The following XPA variants were observed in gnomAD, a reference collection of about 807,000 sequenced individuals.
The protein encoded by XPA is DNA repair protein complementing XP-A cells.
XPA carries 27 observed loss-of-function variants against 35.7 expected under a neutral mutation model. The ratio of observed to expected loss-of-function variants is 0.76; its 90% CI spans 0.56 to 1.04. The LOEUF (loss-of-function observed/expected upper bound fraction) is 1.04. Ranked by LOEUF, XPA falls within the 50% of genes least tolerant of loss-of-function variation. The probability of loss-of-function intolerance (pLI) is 0.00; values close to 1 mark genes in which losing one functional copy is unlikely to be tolerated. For synonymous variants in XPA, 133 were observed against 118.4 expected (o/e 1.12, Z -0.80); for missense variants, 354 against 342.7 (o/e 1.03, Z -0.26).
intron 5 of XPA, among the ~76,000 whole-genome samples, chr9:97,677,270 C>T (rs1240608946): frequency 6.6e-6 from 1 of 152,142 alleles, no homozygotes; most frequent in Admixed American, 6.5e-5. Context: ...TAAGGTTTTA[C>T]ATTGACTTTG....
the XPA span, chr9:97,660,805 T>C: frequency 1.0e-6 from 1 of 986,328 alleles, no homozygotes; most frequent in Non-Finnish European, 1.5e-6. Context: ...TTATATGTGA[T>C]TAAATATTGA....
At chr9:97,692,618 A>G (rs1828928422) in intron 2 of XPA, among the ~76,000 whole-genome samples, 1 of 152,204 alleles carries the variant, frequency 6.6e-6, no homozygotes. Context: ...ATTAATCAAA[A>G]CATTTAAAAT....
downstream of XPA, among the ~76,000 whole-genome samples, chr9:97,670,718 T>C (rs995163192): frequency 6.6e-6 from 1 of 152,224 alleles, no homozygotes; most frequent in African/African-American, 2.4e-5. Context: ...TCAGTCCGTC[T>C]GGCTGCTTTT....
intron 2 of XPA, among the ~76,000 whole-genome samples, chr9:97,693,244 A>G (rs1467355677): frequency 6.6e-6 from 1 of 152,166 alleles, no homozygotes; most frequent in Non-Finnish European, 1.5e-5. Context: ...ATGCTGGTCT[A>G]TCTTATACTT....
the XPA span, chr9:97,654,903 A>G: frequency 1.4e-5 from 23 of 1,613,108 alleles, no homozygotes; most frequent in African/African-American, 2.7e-5. Flanking sequence ...CTGAAATGCT[A>G]TACATGCGTT....
intron 5 of XPA, among the ~76,000 whole-genome samples, chr9:97,682,029 CAAG>C (rs1373207412): frequency 1.3e-5 from 2 of 150,586 alleles, no homozygotes; most frequent in South Asian, 2.1e-4. Context: ...AATTCACTAA[CAAG>C]AAAACACTTT....
At chr9:97,672,288 A>G (rs1260419210), downstream of XPA, 1 of 152,040 alleles carries the variant, frequency 6.6e-6, no homozygotes, top group Non-Finnish European at 1.5e-5. Flanking sequence ...GTTGTTGTGC[A>G]TTTGCACAAA....
the XPA span, chr9:97,662,089 A>C: frequency 1.2e-6 from 2 of 1,613,910 alleles, no homozygotes; most frequent in Non-Finnish European, 1.7e-6. Context: ...CTTTGTACAG[A>C]CTCTGCTACA....
At chr9:97,662,986 GTGA>G in the XPA span, 1 of 1,613,220 alleles carries the variant, frequency 6.2e-7, no homozygotes, top group Non-Finnish European at 8.5e-7. Context: ...CTAGCTGAAA[GTGA>G]TGAAGGAAAG....
In XPA at chr9:97,693,765, A is replaced by G; in HGVS notation, c.173-6T>C. On this transcript the variant is annotated splice_region_variant and splice_polypyrimidine_tract_variant and intron_variant, in intron 1 of 5. Transcript: ENST00000375128. ...TGCTTTTACATTAGCCATGCCTACA[A>G]AAGTAAGTAAAAGCAGTCAACAATT... The G allele has an allele frequency of 6.2e-7, 1 of 1,611,290 alleles. No individual in the cohort carries two copies. Among genetic ancestry groups the G allele is most frequent in the Non-Finnish European group, 8.5e-7 (1 of 1,179,314 alleles).
chr9:97,691,429 C>T (rs1828883990), intron 2 of XPA, among the ~76,000 whole-genome samples: 1 of 152,258 alleles, frequency 6.6e-6, no homozygotes, highest in Non-Finnish European at 1.5e-5. Flanking sequence ...AAGGCTGGCA[C>T]AGTGGCTCAC....
chr9:97,689,617 A>T lies in XPA; in HGVS notation c.306T>A (p.Tyr102Ter), dbSNP rs199710643. ...CTTTCCCACATTCTTCGCATATTACATAATCAAATTCCATAACAGGTCCTA... is the reference window on the plus strand; with the variant it reads ...CTTTCCCACATTCTTCGCATATTACTTAATCAAATTCCATAACAGGTCCTA... ...HQPGPVMEFDYVICEECGKEF... is the reference protein window; with the variant it reads ...HQPGPVMEFD The change falls in exon 3 of 6, where the codon TAT becomes TAA. Residue 102 changes from tyrosine (Y) to a stop codon, truncating the protein, a stop_gained. Transcript: ENST00000375128. LOFTEE classifies it high-confidence loss of function. The T allele has an allele frequency of 1.2e-6, 2 of 1,610,992 alleles. No individual in the cohort carries two copies. The highest frequency in any genetic ancestry group is 2.2e-5 in the South Asian group (2 of 90,916).
At chr9:97,669,143 C>A in the XPA span, among the ~76,000 whole-genome samples, 1 of 151,528 alleles carries the variant, frequency 6.6e-6, no homozygotes, top group Admixed American at 6.6e-5. Context: ...CAGAGGCAAC[C>A]ATGTATGTCT....
chr9:97,689,172 C>T (rs1828807774), intron 3 of XPA, among the ~76,000 whole-genome samples: 2 of 152,044 alleles, frequency 1.3e-5, no homozygotes, highest in Admixed American at 1.3e-4. Context: ...AGATGTAACA[C>T]ACCCTGGAAT....
intron 5 of XPA, among the ~76,000 whole-genome samples, chr9:97,680,428 C>G (rs981810669): frequency 6.6e-6 from 1 of 152,122 alleles, no homozygotes; most frequent in Non-Finnish European, 1.5e-5. Context: ...AGGCTGGTCT[C>G]AAACTCCTGG....
chr9:97,664,558 G>GT, the XPA span: 6 of 648,702 alleles, frequency 9.2e-6, no homozygotes, highest in African/African-American at 1.1e-4. Context: ...TATACTAATG[G>GT]TCCAATCTGG....
downstream of XPA, chr9:97,671,253 C>T: frequency 1.5e-6 from 2 of 1,312,686 alleles, no homozygotes; most frequent in Non-Finnish European, 2.2e-6. Flanking sequence ...AATAATTTGT[C>T]TTATTTTTTG....
At chr9:97,689,930 G>T (rs1010992914) in intron 2 of XPA, among the ~76,000 whole-genome samples, 1 of 152,234 alleles carries the variant, frequency 6.6e-6, no homozygotes, top group Non-Finnish European at 1.5e-5. Context: ...CACAGACAGA[G>T]TGACTTAAAA....
chr9:97,666,962 A>G, the XPA span: 1 of 1,047,438 alleles, frequency 9.5e-7, no homozygotes, highest in Non-Finnish European at 1.3e-6. Context: ...TCTTGATGAT[A>G]TTTCATTTTT....
Sources: gnomAD v4.1 joint callset for allele counts (sites outside exome capture counted in the v4.1 genomes callset) on GRCh38, gnomAD v4.1.1 for gene constraint, MANE v1.5 for transcripts, NCBI Gene and HGNC (gene_info 2026-07-23, HGNC 2026-07-21) for gene names.